Variants in SLIT2 observed in about 807,000 individuals in gnomAD.
SLIT2 encodes the protein slit guidance ligand 2.
SLIT2 carries 41 observed loss-of-function variants against 185.7 expected under a neutral mutation model. That is an observed-to-expected ratio of 0.22 (90% CI 0.17 to 0.29). The LOEUF (loss-of-function observed/expected upper bound fraction) is 0.29, where lower values mean the gene tolerates loss of function less well. Ranked by LOEUF, SLIT2 falls within the 10% of genes least tolerant of loss-of-function variation. The pLI is 1.00. For missense variants in SLIT2, 1,571 were observed against 1,909.0 expected, an observed-to-expected ratio of 0.82 and a Z score of 3.30; for synonymous variants, 693 against 680.2, an observed-to-expected ratio of 1.02 and a Z score of -0.29.
At chr4:20,463,483 A>ATG (rs1377133485) in intron 4 of SLIT2, among the ~76,000 whole-genome samples, 4 of 93,942 alleles carry the variant, frequency 4.3e-5, no homozygotes, top group African/African-American at 1.4e-4. Context: ...ATATATATAT[A>ATG]TATATATATG....
At chr4:20,486,731 A>G (rs936231190) in intron 7 of SLIT2, among the ~76,000 whole-genome samples, 1 of 152,162 alleles carries the variant, frequency 6.6e-6, no homozygotes. Flanking sequence ...ATTTAAAAAT[A>G]TCTTTCTGGG....
At chr4:20,545,078 A>G (rs368680864) in intron 21 of SLIT2, among the ~76,000 whole-genome samples, 3 of 152,116 alleles carry the variant, frequency 2.0e-5, no homozygotes, top group Admixed American at 6.6e-5. Context: ...GGAATAAATT[A>G]TCATCTTAGA....
intron 4 of SLIT2, among the ~76,000 whole-genome samples, chr4:20,396,029 C>T (rs1438698498): frequency 6.6e-6 from 1 of 151,702 alleles, no homozygotes; most frequent in Non-Finnish European, 1.5e-5. Context: ...AAAAGTACCC[C>T]CCCAAACTAC....
At chr4:20,380,284 C>A (rs1025398642) in intron 4 of SLIT2, among the ~76,000 whole-genome samples, 4 of 152,092 alleles carry the variant, frequency 2.6e-5, no homozygotes, top group African/African-American at 9.7e-5. Flanking sequence ...ATAAACAAAT[C>A]CAAATTGCTT....
Position 20,406,743 on chromosome 4 carries a change from CTG to C in SLIT2, c.396-61007_396-61006del, listed in dbSNP as rs1257913088. On this transcript the variant is annotated intron_variant, in intron 4 of 36. Transcript: ENST00000504154. The stretch of plus-strand genomic sequence containing the variant: ...AAATCAGTACAATTAGTATGGAAAA[CTG>C]TTTTGTAGTATATACTAAAATTAAA... Among the ~76,000 whole-genome samples the C allele has an allele frequency of 1.4e-5, 2 of 144,160 alleles. 1 individual carries two copies. Among genetic ancestry groups the C allele is most frequent in the East Asian group, 5.1e-4 (2 of 3,916 alleles). 94.6% of individuals were successfully genotyped at this position (144,160 alleles called of 152,430 possible).
intron 4 of SLIT2, among the ~76,000 whole-genome samples, chr4:20,416,584 A>G (rs1727707086): frequency 6.6e-6 from 1 of 152,188 alleles, no homozygotes; most frequent in African/African-American, 2.4e-5. Flanking sequence ...AAATGAAAAA[A>G]AAAATCGTAT....
At chr4:20,265,023 G>A (rs1352463240) in intron 3 of SLIT2, among the ~76,000 whole-genome samples, 1 of 151,734 alleles carries the variant, frequency 6.6e-6, no homozygotes, top group East Asian at 1.9e-4. Context: ...AATTTATGTT[G>A]GCTCCCATAA....
Position 20,596,353 on chromosome 4 carries a change from A to G in SLIT2, c.3321-62A>G. 6 of 1,504,336 alleles carry G rather than the reference A, an allele frequency of 4.0e-6. No individual in the cohort carries two copies. In the Admixed American group the frequency reaches 1.0e-4, roughly 26 times the overall value. 93.2% of individuals were successfully genotyped at this position (1,504,336 alleles called of 1,614,324 possible). On this transcript the variant is annotated intron_variant, in intron 31 of 36. Coordinates refer to ENST00000504154, the MANE Select transcript of SLIT2 (RefSeq NM_004787.4). ...TATACAGTTATGTTATACAGCTCTC[A>G]ATTCAGATTGGCAATTAAGTAAAAT...
At chr4:20,604,078 C>T (rs1012064141) in intron 33 of SLIT2, among the ~76,000 whole-genome samples, 12 of 152,188 alleles carry the variant, frequency 7.9e-5, no homozygotes, top group Admixed American at 2.0e-4. Context: ...CACCTAACAT[C>T]GTGCTTGGCA....
At chr4:20,310,644 A>T (rs980020286) in intron 4 of SLIT2, among the ~76,000 whole-genome samples, 1 of 152,164 alleles carries the variant, frequency 6.6e-6, no homozygotes, top group Non-Finnish European at 1.5e-5. Context: ...CCTTTCAGTG[A>T]CTTTGCCCCA....
intron 3 of SLIT2, among the ~76,000 whole-genome samples, chr4:20,264,158 C>A (rs1712785959): frequency 6.6e-6 from 1 of 151,816 alleles, no homozygotes; most frequent in Admixed American, 6.6e-5. Flanking sequence ...GATATCACTG[C>A]TGAAGATGTA....
intron 4 of SLIT2, among the ~76,000 whole-genome samples, chr4:20,428,249 A>C (rs1055661146): frequency 6.6e-6 from 1 of 152,216 alleles, no homozygotes; most frequent in Non-Finnish European, 1.5e-5. Context: ...ATGTACACAG[A>C]ATATCAAACA....
chr4:20,566,037 C>T (rs115351655), intron 26 of SLIT2, among the ~76,000 whole-genome samples: 1,625 of 152,074 alleles, frequency 0.011, 15 homozygotes, highest in Admixed American at 0.017. Flanking sequence ...AGATCAACAA[C>T]GCAAGCGTGG....
At chr4:20,596,980 C>T (rs1728031906) in intron 32 of SLIT2, among the ~76,000 whole-genome samples, 1 of 151,536 alleles carries the variant, frequency 6.6e-6, no homozygotes, top group African/African-American at 2.4e-5. Context: ...ATGGGGGAGG[C>T]TTTTCTTAGG....
At chr4:20,363,172 A>T (rs1232360121) in intron 4 of SLIT2, among the ~76,000 whole-genome samples, 1 of 152,158 alleles carries the variant, frequency 6.6e-6, no homozygotes, top group Non-Finnish European at 1.5e-5. Flanking sequence ...TATAGACTAA[A>T]CAATCTGACA....
intron 33 of SLIT2, 88 bp from the exon 34 acceptor site, chr4:20,609,925 A>G: frequency 1.6e-6 from 2 of 1,263,738 alleles, no homozygotes; most frequent in East Asian, 5.0e-5. Context: ...CTCTTTTCCC[A>G]AGGAGCACTT....
At chr4:20,543,571 G>A (rs1223264423) in intron 21 of SLIT2, among the ~76,000 whole-genome samples, 4 of 152,194 alleles carry the variant, frequency 2.6e-5, no homozygotes, top group Non-Finnish European at 4.4e-5. Flanking sequence ...AGTTATTTGT[G>A]CAGATGCACA....
chr4:20,389,000 T>C (rs1057510073), intron 4 of SLIT2, among the ~76,000 whole-genome samples: 3 of 148,772 alleles, frequency 2.0e-5, no homozygotes, highest in Non-Finnish European at 4.5e-5. Context: ...ATAGGAGATA[T>C]GAACAAAGTC....
chr4:20,386,583 T>C (rs1406357420), intron 4 of SLIT2, among the ~76,000 whole-genome samples: 1 of 152,206 alleles, frequency 6.6e-6, no homozygotes, highest in Admixed American at 6.5e-5. Context: ...CACTTTTTGA[T>C]TTTTCAGAAC....
Sources: gnomAD v4.1 joint callset for allele counts (sites outside exome capture counted in the v4.1 genomes callset) on GRCh38, gnomAD v4.1.1 for gene constraint, MANE v1.5 for transcripts, NCBI Gene and HGNC (gene_info 2026-07-23, HGNC 2026-07-21) for gene names.